CNTN5: variants seen among roughly 807,000 people sequenced by gnomAD.
CNTN5 encodes contactin 5.
CNTN5 carries 77 observed loss-of-function variants against 129.1 expected under a neutral mutation model. That is an observed-to-expected ratio of 0.60 (90% confidence interval 0.50 to 0.72). The LOEUF is 0.72. CNTN5 is among the 30% of genes least tolerant of loss of function. The pLI, the probability that CNTN5 is intolerant of heterozygous loss-of-function variation, is 0.00. For synonymous variants in CNTN5, 509 were observed against 465.6 expected (o/e 1.09, Z -1.20); for missense variants, 1,478 against 1,328.8 (o/e 1.11, Z -1.75).
chr11:99,253,879 A>G lies in CNTN5; in HGVS notation c.-209-71467A>G, dbSNP rs1862240442. Among the ~76,000 whole-genome samples, 4 of 140,744 alleles carry G rather than the reference A, an allele frequency of 2.8e-5. No homozygotes were observed. The South Asian group carries it at 8.7e-4, about 31-fold the overall frequency. 92.3% of individuals were successfully genotyped at this position (140,744 alleles called of 152,430 possible). The stretch of plus-strand genomic sequence containing the variant: ...TTCCCTGTTGTCTATATGAAAATGT[A>G]TTAACACAAATATACGTTTATATAT... On this transcript the variant is annotated intron_variant, in intron 1 of 24. Transcript: ENST00000524871.
chr11:100,064,144 A>G (rs1242244781), intron 10 of CNTN5, among the ~76,000 whole-genome samples: 1 of 152,194 alleles, frequency 6.6e-6, no homozygotes. Context: ...TTGGGATTCT[A>G]TCTGTTAGAA....
intron 3 of CNTN5, among the ~76,000 whole-genome samples, chr11:99,721,514 C>G (rs1848027402): frequency 1.3e-5 from 2 of 152,008 alleles, no homozygotes; most frequent in Admixed American, 1.3e-4. Flanking sequence ...ATGTAAAACC[C>G]CAAGCTATAA....
chr11:99,293,084 T>C (rs1216852948), intron 1 of CNTN5, among the ~76,000 whole-genome samples: 1 of 150,844 alleles, frequency 6.6e-6, no homozygotes, highest in Non-Finnish European at 1.5e-5. Context: ...ATGACCTGTA[T>C]TGAGATATGT....
intron 13 of CNTN5, among the ~76,000 whole-genome samples, chr11:100,087,568 C>A (rs918160423): frequency 2.0e-5 from 3 of 151,854 alleles, no homozygotes; most frequent in African/African-American, 7.2e-5. Context: ...GGGTTCAATT[C>A]AACAAGAAGA....
At chr11:99,571,383 A>T (rs1949169786) in intron 3 of CNTN5, among the ~76,000 whole-genome samples, 1 of 152,180 alleles carries the variant, frequency 6.6e-6, no homozygotes, top group Non-Finnish European at 1.5e-5. Context: ...TCATGCTAAC[A>T]ATGACTGATT....
chr11:99,237,725 G>C (rs1861352349), intron 1 of CNTN5, among the ~76,000 whole-genome samples: 1 of 152,054 alleles, frequency 6.6e-6, no homozygotes, highest in African/African-American at 2.4e-5. Context: ...GTATGTGCCA[G>C]ATACTTCAAT....
chr11:99,962,212 G>C (rs181390482), intron 8 of CNTN5, among the ~76,000 whole-genome samples: 2 of 152,170 alleles, frequency 1.3e-5, no homozygotes, highest in East Asian at 3.9e-4. Context: ...CAACATGCAG[G>C]TTAGTTACAT....
intron 13 of CNTN5, among the ~76,000 whole-genome samples, chr11:100,168,665 T>G (rs1233034213): frequency 6.6e-6 from 1 of 151,958 alleles, no homozygotes; most frequent in Admixed American, 6.6e-5. Flanking sequence ...AATTAATGTG[T>G]TTTTCATGTC....
At chr11:100,174,692 T>G (rs17094497) in intron 13 of CNTN5, among the ~76,000 whole-genome samples, 19,718 of 152,098 alleles carry the variant, frequency 0.13, 1,352 homozygotes, top group African/African-American at 0.15. Context: ...CACCTTCTGA[T>G]ATCCAGCTGA....
intron 9 of CNTN5, among the ~76,000 whole-genome samples, chr11:100,005,711 G>A (rs901641743): frequency 2.0e-5 from 3 of 152,034 alleles, no homozygotes; most frequent in Non-Finnish European, 4.4e-5. Context: ...CTTTTTTGAG[G>A]CTAAGGATAA....
At chr11:100,042,894 T>C (rs538155415) in intron 9 of CNTN5, among the ~76,000 whole-genome samples, 66 of 152,308 alleles carry the variant, frequency 4.3e-4, no homozygotes, top group South Asian at 8.3e-4. Flanking sequence ...TTATTGTAGA[T>C]GAAAATCAAA....
At chr11:99,503,572 G>A (rs1383170575) in intron 2 of CNTN5, among the ~76,000 whole-genome samples, 1 of 152,126 alleles carries the variant, frequency 6.6e-6, no homozygotes, top group Non-Finnish European at 1.5e-5. Flanking sequence ...GGCAAAATCT[G>A]TAATATAGCA....
intron 13 of CNTN5, among the ~76,000 whole-genome samples, chr11:100,166,332 C>T (rs1565306528): frequency 6.6e-6 from 1 of 151,718 alleles, no homozygotes; most frequent in Non-Finnish European, 1.5e-5. Context: ...ATGATTACTG[C>T]CCCCGGCATA....
At chr11:99,794,528 G>A (rs1119081) in intron 3 of CNTN5, among the ~76,000 whole-genome samples, 104,953 of 152,046 alleles carry the variant, frequency 0.69, 36,315 homozygotes, top group East Asian at 0.73. Context: ...TCACTGGTCT[G>A]TATACTTAAG....
chr11:99,601,265 C>A (rs1338356689), intron 3 of CNTN5, among the ~76,000 whole-genome samples: 1 of 152,124 alleles, frequency 6.6e-6, no homozygotes, highest in South Asian at 2.1e-4. Flanking sequence ...TTTATAACCT[C>A]AAAAAATATA....
At chr11:100,312,379 C>T (rs540465010) in intron 21 of CNTN5, among the ~76,000 whole-genome samples, 12 of 152,060 alleles carry the variant, frequency 7.9e-5, no homozygotes, top group South Asian at 2.1e-4. Flanking sequence ...CTTTTTCCCT[C>T]GAAAGAGAGT....
chr11:99,490,518 G>T (rs1945995155), intron 2 of CNTN5, among the ~76,000 whole-genome samples: 2 of 152,258 alleles, frequency 1.3e-5, no homozygotes, highest in South Asian at 4.1e-4. Flanking sequence ...TTATTTTTCA[G>T]TGTGCGTTCC....
chr11:99,957,351 AT>A (rs529627752), intron 8 of CNTN5, among the ~76,000 whole-genome samples: 299 of 152,270 alleles, frequency 2.0e-3, no homozygotes, highest in African/African-American at 6.2e-3. Flanking sequence ...AATTGCAAGC[AT>A]TTTATGGGTT....
intron 1 of CNTN5, among the ~76,000 whole-genome samples, chr11:99,194,753 A>C (rs906091796): frequency 6.6e-6 from 1 of 152,024 alleles, no homozygotes; most frequent in South Asian, 2.1e-4. Flanking sequence ...CTACAGGTGC[A>C]TGCCGCCATG....
Sources: gnomAD v4.1 joint callset for allele counts (sites outside exome capture counted in the v4.1 genomes callset) on GRCh38, gnomAD v4.1.1 for gene constraint, MANE v1.5 for transcripts, NCBI Gene and HGNC (gene_info 2026-07-23, HGNC 2026-07-21) for gene names.